GRHL2: variants seen among roughly 807,000 people sequenced by gnomAD.
The protein encoded by GRHL2 is grainyhead-like protein 2 homolog.
In GRHL2, 21 loss-of-function variants were observed where a neutral mutation model predicts 83.8. The observed-to-expected ratio is 0.25, with a 90% CI of 0.18 to 0.36. The LOEUF is 0.36. GRHL2 is among the 10% of genes least tolerant of loss of function. The probability of loss-of-function intolerance (pLI) is 1.00; values close to 1 mark genes in which losing one functional copy is unlikely to be tolerated. For missense variants in GRHL2, 623 were observed against 781.8 expected (o/e 0.80, Z 2.42); for synonymous variants, 280 against 278.9 (o/e 1.00, Z -0.04).
intron 14 of GRHL2, among the ~76,000 whole-genome samples, chr8:101,653,169 C>G (rs1176732988): frequency 2.0e-5 from 3 of 152,098 alleles, no homozygotes; most frequent in African/African-American, 7.2e-5. Context: ...TAAACAAAGT[C>G]TCAAGACAAG....
intron 14 of GRHL2, among the ~76,000 whole-genome samples, chr8:101,653,008 G>A (rs1375454307): frequency 1.3e-5 from 2 of 152,040 alleles, no homozygotes; most frequent in Non-Finnish European, 2.9e-5. Flanking sequence ...TTGAAATTTC[G>A]GAGGAGGCAC....
chr8:101,625,984 A>G (rs950166568), intron 9 of GRHL2, among the ~76,000 whole-genome samples: 4 of 152,060 alleles, frequency 2.6e-5, no homozygotes, highest in African/African-American at 7.2e-5. Flanking sequence ...AACAAAGTAG[A>G]CCTGAAATCT....
Position 101,594,052 on chromosome 8 carries a change from AGAGT to A in GRHL2, c.1004-5001_1004-4998del, listed in dbSNP as rs1223787725. 9.2e-5 allele frequency among the ~76,000 whole-genome samples: 13 copies of A among 140,944 alleles called. No homozygotes were observed. In the East Asian group the frequency reaches 2.9e-3, roughly 32 times the overall value. 92.5% of individuals were successfully genotyped at this position (140,944 alleles called of 152,430 possible). Reference sequence around the variant, plus strand: ...CCATCGCACTCCAGCCTGGACAATAAGAGTGAGAGTCTGTATCAAAAAAAAAAAA... The same window carrying A: ...CCATCGCACTCCAGCCTGGACAATAAGAGAGTCTGTATCAAAAAAAAAAAA... On this transcript the variant is annotated intron_variant, in intron 7 of 15. Coordinates refer to ENST00000646743, the MANE Select transcript of GRHL2 (RefSeq NM_024915.4).
At chr8:101,525,158 G>A (rs1055949232) in intron 1 of GRHL2, among the ~76,000 whole-genome samples, 7 of 152,148 alleles carry the variant, frequency 4.6e-5, no homozygotes, top group Non-Finnish European at 8.8e-5. Flanking sequence ...GGTCAGGCTG[G>A]TCTCGAACTC....
At chr8:101,634,712 G>A (rs1436743658) in intron 11 of GRHL2, among the ~76,000 whole-genome samples, 10 of 152,198 alleles carry the variant, frequency 6.6e-5, no homozygotes, top group Non-Finnish European at 1.5e-4. Context: ...CTATGCTGAA[G>A]CTATGGGGCA....
chr8:101,630,534 T>G (rs1200878382), intron 9 of GRHL2, among the ~76,000 whole-genome samples: 1 of 152,232 alleles, frequency 6.6e-6, no homozygotes, highest in Non-Finnish European at 1.5e-5. Context: ...ATTTTTGTAT[T>G]GTTAAATCTA....
intron 1 of GRHL2, among the ~76,000 whole-genome samples, chr8:101,508,349 G>A (rs1810382239): frequency 6.7e-6 from 1 of 148,616 alleles, no homozygotes; most frequent in African/African-American, 2.5e-5. Flanking sequence ...GATTAAAAAT[G>A]GTACTTGTTC....
At chr8:101,594,099 GAGA>G in intron 7 of GRHL2, among the ~76,000 whole-genome samples, 1 of 90,174 alleles carries the variant, frequency 1.1e-5, no homozygotes, top group South Asian at 4.0e-4. Flanking sequence ...AAAAAAAAAA[GAGA>G]GAGATAGTGA....
intron 8 of GRHL2, among the ~76,000 whole-genome samples, chr8:101,608,454 A>G (rs1300781282): frequency 6.6e-6 from 1 of 152,226 alleles, no homozygotes; most frequent in African/African-American, 2.4e-5. Context: ...AGCCAGGCAG[A>G]ATCCCTGCGC....
chr8:101,668,049 A>G lies in GRHL2; in HGVS notation c.*1346A>G, dbSNP rs1586185384. ...TGAGTGAGAAAGAATGTGCCAAGAT[A>G]CCTGGCTCCTGTGAAACCAGCCTCA... On this transcript the variant is annotated 3_prime_UTR_variant, in exon 16 of 16. Coordinates refer to ENST00000646743, the MANE Select transcript of GRHL2 (RefSeq NM_024915.4). 3.9e-5 allele frequency: 6 copies of G among 152,550 alleles called. No homozygotes were observed. Among genetic ancestry groups the G allele is most frequent in the Admixed American group, 1.3e-4 (2 of 15,308 alleles). The allele number at this position is 152,550 out of a possible 1,614,324, so 9.4% of individuals were successfully genotyped here.
intron 1 of GRHL2, among the ~76,000 whole-genome samples, chr8:101,536,472 A>G (rs1216697302): frequency 1.3e-5 from 2 of 152,196 alleles, no homozygotes; most frequent in Admixed American, 6.5e-5. Flanking sequence ...TCTGACAAAA[A>G]TAGTAGGAAG....
At chr8:101,592,370 T>C (rs892786359) in intron 7 of GRHL2, among the ~76,000 whole-genome samples, 4 of 152,188 alleles carry the variant, frequency 2.6e-5, no homozygotes, top group Admixed American at 2.6e-4. Context: ...CCCAAGTTGC[T>C]GGGATTACAG....
In GRHL2 at chr8:101,601,505, C is replaced by CT. The variant is rs568230595; in HGVS notation, c.1098+2357dup. Among the ~76,000 whole-genome samples the CT allele has an allele frequency of 1.1e-3, 169 of 152,272 alleles. No homozygotes were observed. The South Asian group carries it at 0.014, about 12-fold the overall frequency. On this transcript the variant is annotated intron_variant, in intron 8 of 15. Coordinates refer to ENST00000646743, the MANE Select transcript of GRHL2 (RefSeq NM_024915.4). ...CTCATTCACCATAAGCAGGAGCTTA[C>CT]TTTCCTTGTCTAAATGTGTGTGCCT...
At chr8:101,532,645 C>CG (rs1027861230) in intron 1 of GRHL2, among the ~76,000 whole-genome samples, 17 of 150,664 alleles carry the variant, frequency 1.1e-4, no homozygotes, top group East Asian at 3.9e-4. Flanking sequence ...AGCTACTCGG[C>CG]GGGGGGGCTG....
chr8:101,494,972 C>T (rs1371469457), intron 1 of GRHL2, among the ~76,000 whole-genome samples: 1 of 152,190 alleles, frequency 6.6e-6, no homozygotes, highest in Non-Finnish European at 1.5e-5. Context: ...TGGTTTGTTT[C>T]TCTCTCATTG....
chr8:101,671,241 G>A (rs997056371), downstream of GRHL2, among the ~76,000 whole-genome samples: 22 of 152,332 alleles, frequency 1.4e-4, no homozygotes, highest in African/African-American at 2.9e-4. Flanking sequence ...CTCGGGAAGC[G>A]CAAGGGGTCA....
intron 1 of GRHL2, among the ~76,000 whole-genome samples, chr8:101,501,602 C>T (rs1810230395): frequency 6.6e-6 from 1 of 152,060 alleles, no homozygotes. Flanking sequence ...GCAGGGGCTG[C>T]TGCCGGGGCC....
At chr8:101,556,369 G>C (rs1057242118) in intron 3 of GRHL2, among the ~76,000 whole-genome samples, 1 of 152,196 alleles carries the variant, frequency 6.6e-6, no homozygotes, top group African/African-American at 2.4e-5. Flanking sequence ...GCATCAGAGA[G>C]GGGGCAAAAG....
At chr8:101,659,447 T>C (rs1338242803) in intron 14 of GRHL2, among the ~76,000 whole-genome samples, 2 of 152,088 alleles carry the variant, frequency 1.3e-5, no homozygotes, top group African/African-American at 4.8e-5. Context: ...GCTCTAGAAA[T>C]GATGTGGAAG....
Sources: gnomAD v4.1 joint callset for allele counts (sites outside exome capture counted in the v4.1 genomes callset) on GRCh38, gnomAD v4.1.1 for gene constraint, MANE v1.5 for transcripts, NCBI Gene and HGNC (gene_info 2026-07-23, HGNC 2026-07-21) for gene names.